BLTP1: variants seen among roughly 807,000 people sequenced by gnomAD.
BLTP1 encodes the protein fragile site-associated protein.
At chr4:122,278,730 C>T in the BLTP1 span, among the ~76,000 whole-genome samples, 1 of 152,202 alleles carries the variant, frequency 6.6e-6, no homozygotes, top group Non-Finnish European at 1.5e-5. Context: ...CTCCTGGGTT[C>T]ACGCAATCCT....
the BLTP1 span, chr4:122,174,097 G>C: frequency 1.7e-6 from 1 of 586,734 alleles, no homozygotes; most frequent in Non-Finnish European, 2.1e-6. Flanking sequence ...AAACCAGTGG[G>C]AGAAAGGGAT....
chr4:122,330,040 T>G, the BLTP1 span, among the ~76,000 whole-genome samples: 2 of 151,838 alleles, frequency 1.3e-5, no homozygotes, highest in Admixed American at 1.3e-4. Context: ...ATACATGTTG[T>G]CACATAGTGC....
At chr4:122,247,007 T>C in the BLTP1 span, 7 of 1,294,034 alleles carry the variant, frequency 5.4e-6, no homozygotes, top group African/African-American at 3.0e-5. Flanking sequence ...ATTCATAGTA[T>C]CTTTCAGTAA....
chr4:122,254,335 T>C, the BLTP1 span: 5 of 1,606,202 alleles, frequency 3.1e-6, no homozygotes, highest in Admixed American at 3.3e-5. Context: ...CTCACACACA[T>C]GCATTTTCTA....
At chr4:122,216,098 T>TCTAC in the BLTP1 span, among the ~76,000 whole-genome samples, 3 of 115,836 alleles carry the variant, frequency 2.6e-5, no homozygotes, top group Non-Finnish European at 5.4e-5. Context: ...TATCTATCTA[T>TCTAC]CTATCTATCT....
At chr4:122,256,292 C>T in the BLTP1 span, among the ~76,000 whole-genome samples, 1 of 152,174 alleles carries the variant, frequency 6.6e-6, no homozygotes, top group Non-Finnish European at 1.5e-5. Context: ...TACTCCCTCC[C>T]TGTGAATTGA....
At chr4:122,342,866 A>G in the BLTP1 span, among the ~76,000 whole-genome samples, 1 of 152,210 alleles carries the variant, frequency 6.6e-6, no homozygotes, top group Non-Finnish European at 1.5e-5. Context: ...TCATTTAATA[A>G]TCTATTCAAA....
At chr4:122,316,340 T>C in the BLTP1 span, 1 of 469,380 alleles carries the variant, frequency 2.1e-6, no homozygotes, top group Admixed American at 2.4e-5. Context: ...TTACTGTTTA[T>C]TACTTAGAGT....
chr4:122,339,418 A>T, the BLTP1 span: 1 of 1,600,032 alleles, frequency 6.2e-7, no homozygotes, highest in Non-Finnish European at 8.5e-7. Flanking sequence ...GGTATAGATA[A>T]TGTTCTTTTA....
chr4:122,255,966 A>G, the BLTP1 span: 3 of 759,840 alleles, frequency 3.9e-6, no homozygotes, highest in Non-Finnish European at 4.8e-6. Context: ...CCAGAGCCAA[A>G]TTTCACATAC....
the BLTP1 span, among the ~76,000 whole-genome samples, chr4:122,222,318 T>C: frequency 1.3e-5 from 2 of 152,136 alleles, no homozygotes; most frequent in African/African-American, 4.8e-5. Context: ...TACCCACTTG[T>C]AGTTTATCCT....
chr4:122,254,369 T>G, the BLTP1 span: 1 of 1,506,356 alleles, frequency 6.6e-7, no homozygotes, highest in Non-Finnish European at 9.2e-7. Context: ...TAAAATATAG[T>G]AGTATCGCTT....
At chr4:122,249,468 C>G in the BLTP1 span, 3 of 1,606,354 alleles carry the variant, frequency 1.9e-6, no homozygotes, top group Non-Finnish European at 2.6e-6. Context: ...GGTCATTTTG[C>G]TCTCTTTTGA....
the BLTP1 span, chr4:122,208,443 G>GCAA: frequency 1.0e-6 from 1 of 982,724 alleles, no homozygotes; most frequent in African/African-American, 1.7e-5. Context: ...GCCAAATGAA[G>GCAA]ATCCTTTGAT....
At chr4:122,294,737 C>T in the BLTP1 span, among the ~76,000 whole-genome samples, 6 of 152,194 alleles carry the variant, frequency 3.9e-5, no homozygotes. Flanking sequence ...ACCTCTCCAG[C>T]AAGGGCGCAG....
the BLTP1 span, chr4:122,223,254 T>A: frequency 2.2e-4 from 104 of 469,800 alleles, no homozygotes; most frequent in East Asian, 3.4e-3. Context: ...TTAAAAAAAA[T>A]TTTTTTAAGA....
At chr4:122,346,040 A>T in the BLTP1 span, 8 of 984,032 alleles carry the variant, frequency 8.1e-6, no homozygotes, top group South Asian at 2.4e-4. Context: ...GGGTATCGCT[A>T]TGTAGGTATG....
the BLTP1 span, chr4:122,331,374 A>G: frequency 1.2e-6 from 2 of 1,611,864 alleles, no homozygotes; most frequent in Non-Finnish European, 1.7e-6. Context: ...TTCATCAGCT[A>G]TTTACAGAAC....
At chr4:122,343,369 T>C in the BLTP1 span, 3 of 1,604,890 alleles carry the variant, frequency 1.9e-6, no homozygotes, top group Non-Finnish European at 2.6e-6. Context: ...TGGCCTTTTT[T>C]TCTTGTAGCT....
Sources: allele counts gnomAD v4.1 joint callset (sites outside exome capture counted in the v4.1 genomes callset), GRCh38; gene constraint gnomAD v4.1.1; transcripts MANE v1.5; gene names NCBI Gene and HGNC (gene_info 2026-07-23, HGNC 2026-07-21).